SDK1: variants seen among roughly 807,000 people sequenced by gnomAD.
SDK1 encodes the protein sidekick cell adhesion molecule 1.
A neutral mutation model predicts 245.5 loss-of-function variants in SDK1; 157 were observed. That is an observed-to-expected ratio of 0.64 (90% CI 0.56 to 0.73). The LOEUF (loss-of-function observed/expected upper bound fraction) is 0.73, where lower values mean the gene tolerates loss of function less well. Ranked by LOEUF, SDK1 falls within the 30% of genes least tolerant of loss-of-function variation. The pLI is 0.00. For missense variants in SDK1, 3,583 were observed against 3,002.3 expected, an observed-to-expected ratio of 1.19 and a Z score of -4.52; for synonymous variants, 1,647 against 1,278.5, an observed-to-expected ratio of 1.29 and a Z score of -6.15.
intron 7 of SDK1, among the ~76,000 whole-genome samples, chr7:3,954,109 C>G (rs1781046008): frequency 0.024 from 1 of 42 alleles, no homozygotes; most frequent in Non-Finnish European, 0.045. Context: ...GCTAGTTGGG[C>G]TGTTTGCCCA....
chr7:3,988,911 ACAGG>A (rs1323776096), intron 14 of SDK1, among the ~76,000 whole-genome samples: 2 of 152,114 alleles, frequency 1.3e-5, no homozygotes, highest in Non-Finnish European at 2.9e-5. Flanking sequence ...AGCTGGGACT[ACAGG>A]CACCTGCCAC....
intron 1 of SDK1, among the ~76,000 whole-genome samples, chr7:3,382,064 A>G (rs1781502774): frequency 6.6e-6 from 1 of 152,194 alleles, no homozygotes; most frequent in Admixed American, 6.5e-5. Flanking sequence ...CCCTATGCAC[A>G]AGAAAAACCT....
At chr7:3,760,716 A>T (rs960273191) in intron 4 of SDK1, among the ~76,000 whole-genome samples, 17 of 152,188 alleles carry the variant, frequency 1.1e-4, no homozygotes, top group African/African-American at 3.9e-4. Context: ...TTTTGGGATG[A>T]TAACCGGCTC....
intron 1 of SDK1, among the ~76,000 whole-genome samples, chr7:3,603,914 G>A (rs1209130262): frequency 2.0e-5 from 3 of 152,144 alleles, no homozygotes; most frequent in South Asian, 2.1e-4. Flanking sequence ...TTTGTCAAAG[G>A]CCTTTTCTGC....
intron 4 of SDK1, among the ~76,000 whole-genome samples, chr7:3,815,760 A>G (rs900434611): frequency 2.0e-5 from 3 of 151,770 alleles, no homozygotes; most frequent in Non-Finnish European, 4.4e-5. Context: ...AGACATCTAC[A>G]GAACTCTCCA....
intron 1 of SDK1, among the ~76,000 whole-genome samples, chr7:3,533,905 T>C (rs1320677687): frequency 6.7e-6 from 1 of 150,214 alleles, no homozygotes; most frequent in African/African-American, 2.5e-5. Context: ...GTTATTTTCT[T>C]GTAAAAACCC....
chr7:3,404,114 C>T (rs888168682), intron 1 of SDK1, among the ~76,000 whole-genome samples: 24 of 151,498 alleles, frequency 1.6e-4, no homozygotes, highest in Non-Finnish European at 2.9e-4. Context: ...TGCACAGAGA[C>T]GTGAAGTGAG....
intron 1 of SDK1, among the ~76,000 whole-genome samples, chr7:3,572,938 A>T (rs567045173): frequency 6.6e-6 from 1 of 152,174 alleles, no homozygotes; most frequent in East Asian, 1.9e-4. Flanking sequence ...ATTGATTAGA[A>T]TAGGAGGTGG....
chr7:3,835,601 T>C (rs1305763270), intron 5 of SDK1, among the ~76,000 whole-genome samples: 3 of 152,226 alleles, frequency 2.0e-5, no homozygotes, highest in Non-Finnish European at 4.4e-5. Context: ...TATCCTGAAC[T>C]CTTAGCATAA....
intron 4 of SDK1, among the ~76,000 whole-genome samples, chr7:3,671,925 G>A (rs1273341054): frequency 6.6e-6 from 1 of 152,118 alleles, no homozygotes; most frequent in African/African-American, 2.4e-5. Flanking sequence ...TAATGTGGAG[G>A]AATCAGCTGA....
At chr7:3,731,621 C>T (rs1309996591) in intron 4 of SDK1, among the ~76,000 whole-genome samples, 1 of 152,132 alleles carries the variant, frequency 6.6e-6, no homozygotes, top group Non-Finnish European at 1.5e-5. Context: ...ATTTTTCTAT[C>T]TCTTGGTCAT....
chr7:3,589,934 G>A (rs1452258543), intron 1 of SDK1, among the ~76,000 whole-genome samples: 1 of 152,204 alleles, frequency 6.6e-6, no homozygotes, highest in Non-Finnish European at 1.5e-5. Flanking sequence ...AGGTTATGCA[G>A]AGTCTGTGCT....
intron 2 of SDK1, among the ~76,000 whole-genome samples, chr7:3,631,958 T>A (rs1033440481): frequency 5.9e-5 from 9 of 152,178 alleles, no homozygotes; most frequent in Admixed American, 6.5e-5. Flanking sequence ...CCATTATGCG[T>A]TGGAATGGAT....
At chr7:3,602,147 T>C (rs1218742958) in intron 1 of SDK1, among the ~76,000 whole-genome samples, 11 of 151,988 alleles carry the variant, frequency 7.2e-5, no homozygotes, top group African/African-American at 2.7e-4. Flanking sequence ...TACGTGTGCA[T>C]GTGTCTTTAT....
chr7:3,696,129 C>T (rs1478681490), intron 4 of SDK1, among the ~76,000 whole-genome samples: 2 of 152,150 alleles, frequency 1.3e-5, no homozygotes, highest in East Asian at 3.9e-4. Flanking sequence ...CTGATTTCCT[C>T]TTGCTCCCAT....
At chr7:3,439,932 G>C (rs1254271774) in intron 1 of SDK1, among the ~76,000 whole-genome samples, 1 of 112,736 alleles carries the variant, frequency 8.9e-6, no homozygotes, top group African/African-American at 2.9e-5. Context: ...CCCTGTGCTG[G>C]ACTTTTTTTT....
intron 4 of SDK1, among the ~76,000 whole-genome samples, chr7:3,724,005 C>G (rs1042769679): frequency 6.7e-6 from 1 of 149,262 alleles, no homozygotes; most frequent in Non-Finnish European, 1.5e-5. Context: ...CACCTGTTGC[C>G]TAGGCTGGAG....
intron 1 of SDK1, among the ~76,000 whole-genome samples, chr7:3,498,271 C>G (rs1035818834): frequency 4.6e-5 from 7 of 152,102 alleles, no homozygotes; most frequent in African/African-American, 1.7e-4. Context: ...TAGATTTTAT[C>G]TCTTCTTAGA....
rs190860944 is a variant in SDK1 at position 3,967,422 on chromosome 7, A to G, written c.1534A>G (p.Thr512Ala). The change falls in exon 10 of 45, where the codon ACC (threonine) becomes GCC (alanine). Residue 512 changes from threonine to alanine, a missense_variant. Transcript: ENST00000404826. ...GTCCGGGGCTCCCAAACCCGCCATC[A>G]CCTGGAAAAGAGGTGGGTAGCATCC... ...EVSGAPKPAI[T>A]WKRENHILAS... 13 of 1,612,164 alleles carry G rather than the reference A, an allele frequency of 8.1e-6. No individual in the cohort carries two copies. In the Admixed American group the frequency reaches 1.7e-4, roughly 21 times the overall value.
Sources: allele counts gnomAD v4.1 joint callset (sites outside exome capture counted in the v4.1 genomes callset), GRCh38; gene constraint gnomAD v4.1.1; transcripts MANE v1.5; gene names NCBI Gene and HGNC (gene_info 2026-07-23, HGNC 2026-07-21).